CEP350: variants seen among roughly 807,000 people sequenced by gnomAD.
CEP350 encodes the protein centrosomal protein 350.
CEP350 carries 126 observed loss-of-function variants against 331.8 expected under a neutral mutation model. That is an observed-to-expected ratio of 0.38 (90% CI 0.33 to 0.44). The LOEUF is 0.44. Among genes scored for constraint, CEP350 ranks in the 20% least tolerant of loss-of-function variants. The pLI, the probability that CEP350 is intolerant of heterozygous loss-of-function variation, is 1.00. For synonymous variants in CEP350, 1,200 were observed against 1,259.5 expected (o/e 0.95, Z 1.00); for missense variants, 3,406 against 3,634.6 (o/e 0.94, Z 1.62).
At chr1:179,975,944 T>G (rs2148620577) in intron 1 of CEP350, among the ~76,000 whole-genome samples, 1 of 152,158 alleles carries the variant, frequency 6.6e-6, no homozygotes, top group South Asian at 2.1e-4. Flanking sequence ...CATTGATGAA[T>G]TAGACAGAAG....
chr1:180,020,595 G>T lies in CEP350; in HGVS notation c.2821G>T (p.Gly941Cys). Residue 941 changes from glycine (G) to cysteine (C), a missense_variant, in exon 12 of 38, where the codon GGT becomes TGT. This residue lies in a region of CEP350 where 1,857 missense variants were observed against 1,909.2 expected (regional missense o/e 0.97). Transcript: ENST00000367607. ...AISSFRVRSP[G>C]PKPEGLLAQL... The stretch of plus-strand genomic sequence containing the variant: ...ATCAAGCTTTAGAGTGAGATCCCCT[G>T]GTCCCAAACCAGAAGGGCTACTGGC... The T allele has an allele frequency of 1.2e-6, 2 of 1,613,962 alleles. No homozygotes were observed. Among genetic ancestry groups the T allele is most frequent in the Non-Finnish European group, 1.7e-6 (2 of 1,179,880 alleles).
chr1:180,025,666 C>T (rs1039980868), intron 14 of CEP350, among the ~76,000 whole-genome samples: 2 of 152,128 alleles, frequency 1.3e-5, no homozygotes, highest in South Asian at 2.1e-4. Flanking sequence ...CCAAACACCG[C>T]GTGTTCTCAC....
chr1:179,957,444 T>C (rs1252187316), intron 1 of CEP350, among the ~76,000 whole-genome samples: 3 of 152,220 alleles, frequency 2.0e-5, no homozygotes, highest in Non-Finnish European at 4.4e-5. Flanking sequence ...AGTGTGATTT[T>C]ACATTTACTT....
Position 179,986,199 on chromosome 1 carries a change from A to G in CEP350, c.18A>G (p.Ser6=), listed in dbSNP as rs528547128. 1.3e-6 allele frequency: 2 copies of G among 1,551,670 alleles called. No individual in the cohort carries two copies. The highest frequency in any genetic ancestry group is 1.7e-6 in the Non-Finnish European group (2 of 1,146,926). Residue 6 remains serine, a synonymous_variant, in exon 2 of 38, where the codon TCA becomes TCG. Coordinates refer to ENST00000367607, the MANE Select transcript of CEP350 (RefSeq NM_014810.5). Reference sequence around the variant, plus strand: ...TTGGCAGGATGAGGAGCAGCAAATCAAAAGAGGTGCCTTTACCAAATCCAA... The same window carrying G: ...TTGGCAGGATGAGGAGCAGCAAATCGAAAGAGGTGCCTTTACCAAATCCAA... MRSSK[S]KEVPLPNPRN...
intron 34 of CEP350, 116 bp from the exon 35 acceptor site, chr1:180,095,407 C>A: frequency 8.3e-7 from 1 of 1,200,136 alleles, no homozygotes; most frequent in Non-Finnish European, 1.1e-6. Flanking sequence ...TTTTATTCTG[C>A]TTACTTATAG....
At chr1:180,065,965 T>G (rs577416865) in intron 27 of CEP350, among the ~76,000 whole-genome samples, 25 of 152,278 alleles carry the variant, frequency 1.6e-4, no homozygotes, top group African/African-American at 6.0e-4. Context: ...CTGGCATCTC[T>G]CAGGCTTATT....
intron 9 of CEP350, 55 bp from the exon 10 acceptor site, chr1:180,013,792 A>C (rs1480235497): frequency 3.5e-5 from 51 of 1,442,534 alleles, no homozygotes; most frequent in Non-Finnish European, 4.3e-5. Flanking sequence ...ATGCAGTTAA[A>C]TCTTAGGAAT....
chr1:179,981,735 T>C (rs545963435), intron 1 of CEP350, among the ~76,000 whole-genome samples: 1 of 152,166 alleles, frequency 6.6e-6, no homozygotes, highest in Non-Finnish European at 1.5e-5. Context: ...ATCTGGTGGC[T>C]CACACCCATG....
Position 180,028,091 on chromosome 1 carries a change from A to G in CEP350, c.3551-3229A>G, listed in dbSNP as rs1655794107. Among the ~76,000 whole-genome samples, 5 of 152,232 alleles carry G rather than the reference A, an allele frequency of 3.3e-5. No homozygotes were observed. The South Asian group carries it at 1.0e-3, about 32-fold the overall frequency. ...TCTTGTGAAATACAAGTTTAGTGGT[A>G]TAGACTGTTTCATAAGTGTTCTGAG... On this transcript the variant is annotated intron_variant, in intron 14 of 37. Coordinates refer to ENST00000367607, the MANE Select transcript of CEP350 (RefSeq NM_014810.5).
In CEP350 at chr1:179,996,685, A is replaced by G; in HGVS notation, c.528A>G (p.Ile176Met). 1 of 1,613,740 alleles carries G rather than the reference A, an allele frequency of 6.2e-7. No individual in the cohort carries two copies. The highest frequency in any genetic ancestry group is 1.7e-5 in the Admixed American group (1 of 59,974). The change falls in exon 6 of 38, where the codon ATA becomes ATG. Residue 176 changes from isoleucine (I) to methionine (M), a missense_variant. Coordinates refer to ENST00000367607, the MANE Select transcript of CEP350 (RefSeq NM_014810.5). ...TAGGCAGTCGAGAAGAACGGAATAT[A>G]CGGAGCTGTGATTTTGAGAGCTCCC... ...WMIGSREERNIRSCDFESSQS... is the reference protein window; with the variant it reads ...WMIGSREERNMRSCDFESSQS...
At chr1:180,095,051 C>A in intron 34 of CEP350, 1 of 175,182 alleles carries the variant, frequency 5.7e-6, no homozygotes, top group Non-Finnish European at 1.2e-5. Context: ...GGTTGGCCTG[C>A]AGAGGTTAGC....
At chr1:180,050,295 T>G (rs1657399163) in intron 22 of CEP350, among the ~76,000 whole-genome samples, 1 of 152,106 alleles carries the variant, frequency 6.6e-6, no homozygotes, top group Non-Finnish European at 1.5e-5. Flanking sequence ...AAGCCACAGA[T>G]TGGGAGAAAA....
At chr1:179,978,820 A>G (rs1652065381) in intron 1 of CEP350, among the ~76,000 whole-genome samples, 2 of 152,000 alleles carry the variant, frequency 1.3e-5, no homozygotes, top group South Asian at 2.1e-4. Flanking sequence ...GCCTAATATA[A>G]TTGTGACCTC....
Position 180,043,133 on chromosome 1 carries a change from C to T in CEP350, c.4440C>T (p.His1480=), listed in dbSNP as rs758642287. The T allele has an allele frequency of 4.3e-6, 7 of 1,613,688 alleles. No homozygotes were observed. In the African/African-American group the frequency reaches 8.0e-5, roughly 18 times the overall value. ...SGAPLAILYD[H]QRQHLPDFVK... ...CTCCCCTTGCAATACTGTATGACCA[C>T]CAACGGCAGCACCTTCCAGACTTTG... Residue 1480 remains histidine (H), a synonymous_variant, in exon 20 of 38, where the codon CAC becomes CAT. Transcript: ENST00000367607.
At chr1:180,013,255 T>C (rs1327429481) in intron 9 of CEP350, among the ~76,000 whole-genome samples, 1 of 152,188 alleles carries the variant, frequency 6.6e-6, no homozygotes, top group Admixed American at 6.5e-5. Flanking sequence ...GTTTCAGAAA[T>C]CCTTTGATAA....
rs774049797 is a variant in CEP350 at position 180,054,454 on chromosome 1, G to A, written c.5214G>A (p.Pro1738=). 3.7e-6 allele frequency: 6 copies of A among 1,601,160 alleles called. No individual in the cohort carries two copies. The highest frequency in any genetic ancestry group is 3.4e-5 in the South Asian group (3 of 88,290). The part of the protein sequence containing the change: ...RDKGEDDKMP[P]LRKKQRGLLL... ...AAGGAGAGGATGATAAAATGCCCCC[G>A]CTCCGGAAGAAACAGCGTGGTTTGC... The change falls in exon 25 of 38, where the codon CCG becomes CCA. Residue 1738 remains proline, a synonymous_variant. Coordinates refer to ENST00000367607, the MANE Select transcript of CEP350 (RefSeq NM_014810.5).
At chr1:180,016,203 T>C (rs751831984) in intron 11 of CEP350, among the ~76,000 whole-genome samples, 6 of 152,246 alleles carry the variant, frequency 3.9e-5, no homozygotes, top group Non-Finnish European at 7.3e-5. Flanking sequence ...CTTTTACAGT[T>C]GGAAGCACTC....
Position 180,108,425 on chromosome 1 carries a change from G to A in CEP350, c.9190-2572G>A, listed in dbSNP as rs1471263460. Among the ~76,000 whole-genome samples, 6 of 152,270 alleles carry A rather than the reference G, an allele frequency of 3.9e-5. No individual in the cohort carries two copies. In the East Asian group the frequency reaches 7.7e-4, roughly 20 times the overall value. ...AAGGCAGGCTAGATAGCTTGAGCCC[G>A]GGAGGTGGAGGTTACAGTGAGCTGA... On this transcript the variant is annotated intron_variant, in intron 37 of 37. Coordinates refer to ENST00000367607, the MANE Select transcript of CEP350 (RefSeq NM_014810.5).
At chr1:180,010,404 CTTT>C (rs60408983) in intron 8 of CEP350, among the ~76,000 whole-genome samples, 31 of 119,794 alleles carry the variant, frequency 2.6e-4, no homozygotes, top group Non-Finnish European at 3.0e-4. Context: ...CCCATGTTTG[CTTT>C]TTTTTTTTTT....
Sources: allele counts gnomAD v4.1 joint callset (sites outside exome capture counted in the v4.1 genomes callset), GRCh38; gene constraint gnomAD v4.1.1; regional missense constraint gnomAD v4.1.1; transcripts MANE v1.5; gene names NCBI Gene and HGNC (gene_info 2026-07-23, HGNC 2026-07-21).